RBM20: variants seen among roughly 807,000 people sequenced by gnomAD.
RBM20 encodes RNA binding motif protein 20, also known as RNA-binding protein 20.
Under a neutral mutation model 110.1 loss-of-function variants are expected in RBM20, and 51 were observed. The observed-to-expected ratio is 0.46, with a 90% CI of 0.37 to 0.59. The LOEUF is 0.59. RBM20 is among the 20% of genes least tolerant of loss of function. RBM20 has a pLI of 0.00. For synonymous variants in RBM20, 589 were observed against 618.2 expected (o/e 0.95, Z 0.70); for missense variants, 1,512 against 1,574.9 (o/e 0.96, Z 0.68).
chr10:110,752,976 TTGCCCA>T (rs543047447), intron 1 of RBM20, among the ~76,000 whole-genome samples: 1,809 of 146,962 alleles, frequency 0.012, 40 homozygotes, highest in African/African-American at 0.042. Flanking sequence ...TCTCCCTCTG[TTGCCCA>T]GGCTGGAGTG....
chr10:110,735,212 T>G (rs1213708398), intron 1 of RBM20, among the ~76,000 whole-genome samples: 1 of 152,160 alleles, frequency 6.6e-6, no homozygotes, highest in Non-Finnish European at 1.5e-5. Flanking sequence ...TTATTCCAGG[T>G]ATATATAGGA....
intron 1 of RBM20, among the ~76,000 whole-genome samples, chr10:110,654,633 T>G (rs531959496): frequency 6.6e-6 from 1 of 152,134 alleles, no homozygotes; most frequent in South Asian, 2.1e-4. Flanking sequence ...GGTCAGTGAC[T>G]AGCAGTTTGT....
Position 110,823,489 on chromosome 10 carries a change from G to A in RBM20, c.3326G>A (p.Arg1109Lys). The change falls in exon 12 of 14, where the codon AGG becomes AAG. Residue 1109 changes from arginine (R) to lysine (K), a missense_variant. By Grantham distance (26) the Arg-to-Lys change is conservative. Around this residue, in one of 3 missense-constraint regions of RBM20, gnomAD observed 358 missense variants for 384.2 expected, o/e 0.93. Coordinates refer to ENST00000369519, the MANE Select transcript of RBM20 (RefSeq NM_001134363.3). ...GGTTCATGTTTTGCAGAAAACTCCA[G>A]GTACGTGGAAATGAAATCTCTGGAG... The part of the protein sequence containing the change: ...CQEVLTPENS[R>K]YVEMKSLEVR... 1 of 1,523,342 alleles carries A rather than the reference G, an allele frequency of 6.6e-7. No homozygotes were observed. The highest frequency in any genetic ancestry group is 1.2e-5 in the South Asian group (1 of 80,610). The allele number at this position is 1,523,342 out of a possible 1,614,324, so 94.4% of individuals were successfully genotyped here. A position where few individuals can be genotyped will look rare whatever the true frequency, so the allele number is the denominator to read the frequency against.
rs968746883 is a variant in RBM20, at chr10:110,716,889, C to T, written c.192-63912C>T. Among the ~76,000 whole-genome samples the T allele has an allele frequency of 4.7e-5, 7 of 149,980 alleles. No homozygotes were observed. The South Asian group carries it at 6.4e-4, about 14-fold the overall frequency. ...CCGAGATCGTGCCCCTGCACTCCCG[C>T]CTCAGTGACACAACTCCGTCTCAAA... On this transcript the variant is annotated intron_variant, in intron 1 of 13. Coordinates refer to ENST00000369519, the MANE Select transcript of RBM20 (RefSeq NM_001134363.3).
intron 1 of RBM20, among the ~76,000 whole-genome samples, chr10:110,773,408 A>G (rs565486910): frequency 1.5e-4 from 23 of 152,292 alleles, no homozygotes; most frequent in African/African-American, 5.5e-4. Context: ...CAAAATGACC[A>G]TTACAGTAGC....
chr10:110,679,598 G>T (rs983853619), intron 1 of RBM20, among the ~76,000 whole-genome samples: 2 of 152,174 alleles, frequency 1.3e-5, no homozygotes, highest in Admixed American at 6.5e-5. Flanking sequence ...CCTATGTTTT[G>T]GTTTCCTGCT....
intron 1 of RBM20, among the ~76,000 whole-genome samples, chr10:110,654,681 C>G (rs562379232): frequency 6.6e-6 from 1 of 152,204 alleles, no homozygotes; most frequent in Admixed American, 6.5e-5. Context: ...GCTATTTTTG[C>G]CTGTTCCACT....
intron 1 of RBM20, among the ~76,000 whole-genome samples, chr10:110,651,020 T>G (rs1233282425): frequency 6.6e-6 from 1 of 152,218 alleles, no homozygotes; most frequent in Non-Finnish European, 1.5e-5. Context: ...AGGAAAAAAC[T>G]CTGGACTGGG....
chr10:110,807,656 G>A (rs1417636), intron 7 of RBM20, among the ~76,000 whole-genome samples: 11 of 152,156 alleles, frequency 7.2e-5, no homozygotes, highest in Non-Finnish European at 1.5e-4. Flanking sequence ...AACCTCAGCC[G>A]CTCCCTGCCA....
rs935543806 is a variant in RBM20 at position 110,823,694 on chromosome 10, G to A, written c.3451+80G>A. On this transcript the variant is annotated intron_variant, in intron 12 of 13. Transcript: ENST00000369519. ...ATAGCAACCTCAAGAGCTTGAGAGA[G>A]CTTTTTGGCATTTTGTTGTTGACAT... 4 of 1,457,988 alleles carry A rather than the reference G, an allele frequency of 2.7e-6. No individual in the cohort carries two copies. In the African/African-American group the frequency reaches 5.7e-5, roughly 21 times the overall value. 90.3% of individuals were successfully genotyped at this position (1,457,988 alleles called of 1,614,324 possible). A position where few individuals can be genotyped will look rare whatever the true frequency, so the allele number is the denominator to read the frequency against.
At chr10:110,767,471 A>AG (rs1325466740) in intron 1 of RBM20, among the ~76,000 whole-genome samples, 2 of 145,472 alleles carry the variant, frequency 1.4e-5, no homozygotes, top group African/African-American at 5.2e-5. Flanking sequence ...TGCCGGGCGG[A>AG]GGGGCTCCTC....
In RBM20 at chr10:110,823,637, C is replaced by T. The variant is rs1453299558; in HGVS notation, c.3451+23C>T. On this transcript the variant is annotated intron_variant, in intron 12 of 13. Transcript: ENST00000369519. ...TAGGTAAGCAAAACACACAGTCTTT[C>T]CTGAAATTCAGGTCTAGGAAATAAC... is the stretch of plus-strand genomic sequence containing the variant. The T allele has an allele frequency of 1.9e-6, 3 of 1,550,362 alleles. No homozygotes were observed. The Admixed American group carries it at 5.9e-5, about 31-fold the overall frequency.
At chr10:110,712,217 T>G (rs61864262) in intron 1 of RBM20, among the ~76,000 whole-genome samples, 3 of 152,252 alleles carry the variant, frequency 2.0e-5, no homozygotes, top group Non-Finnish European at 4.4e-5. Context: ...TGTGAGTTCA[T>G]GTATGGTTTT....
chr10:110,731,244 A>G (rs1159299177), intron 1 of RBM20, among the ~76,000 whole-genome samples: 4 of 152,138 alleles, frequency 2.6e-5, no homozygotes, highest in Non-Finnish European at 5.9e-5. Flanking sequence ...CACCTCCTCC[A>G]TGTCTGCCCA....
intron 1 of RBM20, among the ~76,000 whole-genome samples, chr10:110,768,622 C>T (rs1844142640): frequency 6.6e-6 from 1 of 152,152 alleles, no homozygotes; most frequent in Non-Finnish European, 1.5e-5. Flanking sequence ...TTAAGACAGT[C>T]ATAATTTCAA....
intron 7 of RBM20, among the ~76,000 whole-genome samples, chr10:110,801,735 C>T (rs190881803): frequency 1.5e-4 from 20 of 132,836 alleles, no homozygotes; most frequent in Non-Finnish European, 2.3e-4. Context: ...TTAATAGAGA[C>T]AGGGTTTCGC....
rs571604843 is a variant in RBM20 at position 110,803,612 on chromosome 10, G to A, written c.1800+3694G>A. 8.6e-5 allele frequency among the ~76,000 whole-genome samples: 13 copies of A among 151,998 alleles called. No homozygotes were observed. In the South Asian group the frequency reaches 2.5e-3, roughly 29 times the overall value. ...CACATTATTTTCTGATCTTTAGCAG[G>A]GCTTTTCTGCTCCCCAAGCTGCCAT... On this transcript the variant is annotated intron_variant, in intron 7 of 13. Transcript: ENST00000369519.
chr10:110,652,834 A>G (rs140580942), intron 1 of RBM20, among the ~76,000 whole-genome samples: 45 of 152,342 alleles, frequency 3.0e-4, no homozygotes, highest in African/African-American at 1.1e-3. Flanking sequence ...TGTATGTACC[A>G]GCCTTAGTCT....
chr10:110,729,023 G>T (rs1843593125), intron 1 of RBM20, among the ~76,000 whole-genome samples: 1 of 152,194 alleles, frequency 6.6e-6, no homozygotes, highest in East Asian at 1.9e-4. Context: ...ACTGAAGCAT[G>T]TAAAGTATAG....
Sources: gnomAD v4.1 joint callset for allele counts (sites outside exome capture counted in the v4.1 genomes callset) on GRCh38, gnomAD v4.1.1 for gene constraint, gnomAD v4.1.1 regional missense constraint, MANE v1.5 for transcripts, NCBI Gene and HGNC (gene_info 2026-07-23, HGNC 2026-07-21) for gene names.